The following KIFAP3 variants were observed in gnomAD, a reference collection of about 807,000 sequenced individuals.
KIFAP3 encodes kinesin associated protein 3, also known as kinesin-associated protein 3.
KIFAP3 carries 68 observed loss-of-function variants against 106.5 expected under a neutral mutation model. The observed-to-expected ratio is 0.64, with a 90% CI of 0.53 to 0.78. The LOEUF is 0.78. Among genes scored for constraint, KIFAP3 ranks in the 30% least tolerant of loss-of-function variants. The pLI, the probability that KIFAP3 is intolerant of heterozygous loss-of-function variation, is 0.00. For synonymous variants in KIFAP3, 320 were observed against 311.5 expected (o/e 1.03, Z -0.29); for missense variants, 780 against 941.8 (o/e 0.83, Z 2.25).
At chr1:169,944,532 T>C (rs1403166672) in intron 19 of KIFAP3, among the ~76,000 whole-genome samples, 6 of 152,114 alleles carry the variant, frequency 3.9e-5, no homozygotes, top group African/African-American at 1.4e-4. Flanking sequence ...GGCGACGTGT[T>C]TCAGCCCCGT....
At chr1:169,934,295 C>G (rs933427877) in intron 19 of KIFAP3, among the ~76,000 whole-genome samples, 12 of 151,980 alleles carry the variant, frequency 7.9e-5, no homozygotes. Flanking sequence ...TTCCTTTTAC[C>G]GTAGTGAGAC....
chr1:170,077,518 G>A (rs896331357), upstream of KIFAP3, among the ~76,000 whole-genome samples: 2 of 152,196 alleles, frequency 1.3e-5, no homozygotes, highest in Non-Finnish European at 2.9e-5. Context: ...ATGATACTGA[G>A]TGAAAAATTG....
At chr1:170,016,662 T>C (rs779042926) in intron 9 of KIFAP3, 38 bp from the exon 10 acceptor site, 1 of 1,272,092 alleles carries the variant, frequency 7.9e-7, no homozygotes, top group South Asian at 1.6e-5. Flanking sequence ...TGAAGTTCTG[T>C]TGCAAAATAG....
At chr1:170,019,479 C>A (rs2102009636) in intron 9 of KIFAP3, among the ~76,000 whole-genome samples, 1 of 152,042 alleles carries the variant, frequency 6.6e-6, no homozygotes, top group South Asian at 2.1e-4. Flanking sequence ...ATATCATGAC[C>A]AAGTAATGTT....
intron 10 of KIFAP3, among the ~76,000 whole-genome samples, chr1:170,003,848 A>C (rs1009688474): frequency 1.3e-5 from 2 of 152,350 alleles, no homozygotes; most frequent in Non-Finnish European, 2.9e-5. Context: ...TAGTGTTGGA[A>C]GTTCTGGCCA....
intron 10 of KIFAP3, among the ~76,000 whole-genome samples, chr1:170,012,979 A>T (rs1354687076): frequency 6.6e-6 from 1 of 152,004 alleles, no homozygotes; most frequent in South Asian, 2.1e-4. Flanking sequence ...AAACGTGGGG[A>T]TTATTACAAT....
chr1:170,016,385 T>A, intron 10 of KIFAP3, 77 bp downstream of exon 10: 1 of 1,170,282 alleles, frequency 8.5e-7, no homozygotes, highest in South Asian at 1.4e-5. Context: ...TTCAGGAGGC[T>A]TTTCAACACA....
Position 170,040,111 on chromosome 1 carries a change from C to A in KIFAP3, c.320-823G>T, listed in dbSNP as rs938911451. Among the ~76,000 whole-genome samples the A allele has an allele frequency of 2.0e-5, 3 of 152,042 alleles. No homozygotes were observed. The East Asian group carries it at 5.8e-4, about 29-fold the overall frequency. ...GAGGACAGCACCCATTCTGTATAAG[C>A]TCATACATTCTCAACAGCTTAATTC... On this transcript the variant is annotated intron_variant, in intron 3 of 19. Transcript: ENST00000361580.
chr1:169,966,192 G>A (rs1665606010), intron 17 of KIFAP3, among the ~76,000 whole-genome samples: 1 of 151,660 alleles, frequency 6.6e-6, no homozygotes, highest in Non-Finnish European at 1.5e-5. Flanking sequence ...TTGTTTACAG[G>A]ATCACAGTAA....
chr1:169,925,415 A>C (rs770628326), intron 19 of KIFAP3, among the ~76,000 whole-genome samples: 9 of 152,104 alleles, frequency 5.9e-5, no homozygotes, highest in Non-Finnish European at 8.8e-5. Flanking sequence ...GGTACCTAGA[A>C]AGAAAAATGA....
chr1:169,921,569 C>T lies in KIFAP3; in HGVS notation c.*107G>A, dbSNP rs1662824142. 1 of 804,994 alleles carries T rather than the reference C, an allele frequency of 1.2e-6. No homozygotes were observed. The highest frequency in any genetic ancestry group is 2.3e-5 in the Admixed American group (1 of 43,274). 49.9% of individuals were successfully genotyped at this position (804,994 alleles called of 1,614,324 possible). A position where few individuals can be genotyped will look rare whatever the true frequency, so the allele number is the denominator to read the frequency against. ...CAACATATAAAAATAAAAACAAACACAGACCCACAATAACATCAACATGCA... is the reference window on the plus strand; with the variant it reads ...CAACATATAAAAATAAAAACAAACATAGACCCACAATAACATCAACATGCA... On this transcript the variant is annotated 3_prime_UTR_variant, in exon 20 of 20. Transcript: ENST00000361580.
chr1:170,019,268 C>T (rs1668682474), intron 9 of KIFAP3, among the ~76,000 whole-genome samples: 1 of 151,990 alleles, frequency 6.6e-6, no homozygotes, highest in African/African-American at 2.4e-5. Flanking sequence ...AGAAATAATA[C>T]CAATTCTACA....
chr1:170,031,146 T>C (rs1209757165), intron 8 of KIFAP3, among the ~76,000 whole-genome samples: 1 of 151,790 alleles, frequency 6.6e-6, no homozygotes, highest in Non-Finnish European at 1.5e-5. Flanking sequence ...ACCTATTATT[T>C]TCTAGCATAT....
intron 19 of KIFAP3, among the ~76,000 whole-genome samples, chr1:169,934,512 T>C (rs574608878): frequency 3.9e-5 from 6 of 152,254 alleles, no homozygotes; most frequent in Admixed American, 2.0e-4. Flanking sequence ...AATCATCACT[T>C]CCCACATTGT....
At chr1:170,010,578 T>C (rs1488895561) in intron 10 of KIFAP3, among the ~76,000 whole-genome samples, 2 of 151,862 alleles carry the variant, frequency 1.3e-5, no homozygotes, top group Non-Finnish European at 2.9e-5. Flanking sequence ...TTCAGTTTGT[T>C]TTCCAAGTAA....
At chr1:169,926,080 T>C (rs546158123) in intron 19 of KIFAP3, among the ~76,000 whole-genome samples, 2 of 152,350 alleles carry the variant, frequency 1.3e-5, no homozygotes, top group African/African-American at 4.8e-5. Context: ...GCTACACTTT[T>C]ATTCACAACA....
chr1:169,988,491 C>T (rs1186583626), intron 11 of KIFAP3, among the ~76,000 whole-genome samples: 3 of 151,866 alleles, frequency 2.0e-5, no homozygotes, highest in Admixed American at 6.6e-5. Context: ...TGCATAATTA[C>T]AAACGAACAG....
chr1:169,936,815 C>T (rs1400723718), intron 19 of KIFAP3, among the ~76,000 whole-genome samples: 2 of 151,368 alleles, frequency 1.3e-5, no homozygotes, highest in Non-Finnish European at 3.0e-5. Context: ...ATTCTGTTTC[C>T]TCTTAAAATT....
chr1:170,010,821 G>A (rs1461730665), intron 10 of KIFAP3, among the ~76,000 whole-genome samples: 5 of 151,904 alleles, frequency 3.3e-5, no homozygotes, highest in Non-Finnish European at 7.4e-5. Flanking sequence ...AAGAAAACCT[G>A]CTTAAAAGCT....
Sources: allele counts gnomAD v4.1 joint callset (sites outside exome capture counted in the v4.1 genomes callset), GRCh38; gene constraint gnomAD v4.1.1; transcripts MANE v1.5; gene names NCBI Gene and HGNC (gene_info 2026-07-23, HGNC 2026-07-21).